GCSAML: variants seen among roughly 807,000 people sequenced by gnomAD.
The protein encoded by GCSAML is germinal center-associated signaling and motility-like protein.
GCSAML carries 9 observed loss-of-function variants against 13.0 expected under a neutral mutation model. That is an observed-to-expected ratio of 0.69 (90% CI 0.42 to 1.21). GCSAML has a LOEUF of 1.21. Among genes scored for constraint, GCSAML ranks in the 50% most tolerant of loss-of-function variants. The probability of loss-of-function intolerance (pLI) is 0.00; values close to 1 mark genes in which losing one functional copy is unlikely to be tolerated. For synonymous variants in GCSAML, 37 were observed against 52.9 expected (o/e 0.70, Z 1.31); for missense variants, 143 against 153.4 (o/e 0.93, Z 0.36).
At chr1:247,528,833 T>A (rs1457460348) in intron 2 of GCSAML, 1 of 152,128 alleles carries the variant, frequency 6.6e-6, no homozygotes, top group South Asian at 2.1e-4. Flanking sequence ...TTGAAGAATT[T>A]CCTGAAAAGT....
intron 1 of GCSAML, among the ~76,000 whole-genome samples, chr1:247,509,273 G>A (rs1665929406): frequency 6.6e-6 from 1 of 152,148 alleles, no homozygotes; most frequent in African/African-American, 2.4e-5. Context: ...TAGCAATTGT[G>A]AATGGGAGTT....
intron 1 of GCSAML, among the ~76,000 whole-genome samples, chr1:247,509,146 T>C (rs1665925974): frequency 6.6e-6 from 1 of 152,220 alleles, no homozygotes; most frequent in Non-Finnish European, 1.5e-5. Context: ...GAGCATGGGA[T>C]GTTTCTCCAT....
chr1:247,551,992 T>G (rs2103038578), intron 1 of GCSAML, among the ~76,000 whole-genome samples: 2 of 152,320 alleles, frequency 1.3e-5, no homozygotes, highest in Non-Finnish European at 2.9e-5. Context: ...GATAATGTCT[T>G]TATGGCTGGT....
At chr1:247,563,935 G>A (rs1668237150) in intron 3 of GCSAML, among the ~76,000 whole-genome samples, 1 of 151,604 alleles carries the variant, frequency 6.6e-6, no homozygotes, top group Non-Finnish European at 1.5e-5. Context: ...GCGATAAGAA[G>A]TGTATTTTTT....
At chr1:247,519,397 G>C (rs1666337116) in intron 1 of GCSAML, 1 of 152,222 alleles carries the variant, frequency 6.6e-6, no homozygotes, top group Non-Finnish European at 1.5e-5. Flanking sequence ...AAACGCACGT[G>C]TGTGTCTGTG....
rs534104837 is a variant in GCSAML, at chr1:247,557,108, C to T, written c.89+642C>T. Reference sequence around the variant, plus strand: ...TTGGACTGATTGATAACGTCTCCTCCTGGAGATGCTGGCCCTCATGCCCTT... The same window carrying T: ...TTGGACTGATTGATAACGTCTCCTCTTGGAGATGCTGGCCCTCATGCCCTT... On this transcript the variant is annotated intron_variant, in intron 2 of 4. Coordinates refer to ENST00000366488, the MANE Select transcript of GCSAML (RefSeq NM_145278.5). Among the ~76,000 whole-genome samples the T allele has an allele frequency of 9.2e-5, 14 of 152,308 alleles. 1 individual carries two copies. The highest frequency in any genetic ancestry group is 3.4e-4 in the African/African-American group (14 of 41,566).
chr1:247,541,412 A>T (rs1558247208), intron 2 of GCSAML, among the ~76,000 whole-genome samples: 1 of 152,154 alleles, frequency 6.6e-6, no homozygotes. Flanking sequence ...GCTATTCATT[A>T]TATGTCGGTA....
At chr1:247,538,585 A>G (rs1667302027) in intron 2 of GCSAML, 2 of 353,528 alleles carry the variant, frequency 5.7e-6, no homozygotes, top group Non-Finnish European at 1.1e-5. Context: ...GCCTAATGTC[A>G]TAAGATTGGA....
intron 2 of GCSAML, among the ~76,000 whole-genome samples, chr1:247,537,479 C>T (rs139379306): frequency 1.4e-3 from 214 of 152,218 alleles, no homozygotes; most frequent in Non-Finnish European, 2.4e-3. Context: ...GTTTGAACTC[C>T]GTTTCTGATT....
At chr1:247,557,172 A>G (rs1222134700) in intron 2 of GCSAML, among the ~76,000 whole-genome samples, 1 of 152,160 alleles carries the variant, frequency 6.6e-6, no homozygotes, top group Non-Finnish European at 1.5e-5. Context: ...TCTGCACCGC[A>G]TGGTTTTATG....
Position 247,550,879 on chromosome 1 carries a change from G to A in GCSAML, c.29+1659G>A, listed in dbSNP as rs887016006. On this transcript the variant is annotated intron_variant, in intron 1 of 4. Transcript: ENST00000366488. ...TCGCAAGAAAAAATTAAACATGGAA[G>A]GAAAATGGATATGGAAGCAAATTTT... Among the ~76,000 whole-genome samples the A allele has an allele frequency of 2.0e-5, 3 of 151,990 alleles. No homozygotes were observed. In the East Asian group the frequency reaches 5.8e-4, roughly 29 times the overall value.
chr1:247,515,866 C>T (rs955934772), intron 1 of GCSAML, among the ~76,000 whole-genome samples: 1 of 152,202 alleles, frequency 6.6e-6, no homozygotes, highest in Admixed American at 6.5e-5. Flanking sequence ...TGTTATCACA[C>T]AGTCTTTTCA....
chr1:247,550,404 G>A (rs141527588), intron 1 of GCSAML, among the ~76,000 whole-genome samples: 3 of 152,134 alleles, frequency 2.0e-5, no homozygotes, highest in South Asian at 2.1e-4. Context: ...TTGGGAGGCC[G>A]AGGCGGGTGG....
chr1:247,537,033 C>A (rs1667243023), intron 2 of GCSAML, among the ~76,000 whole-genome samples: 1 of 152,128 alleles, frequency 6.6e-6, no homozygotes, highest in African/African-American at 2.4e-5. Flanking sequence ...GAATTAAGTT[C>A]TTTCACAAGA....
At position 247,537,810 on chromosome 1, in the gene GCSAML, GTC is replaced by G. The variant is rs950442557; in HGVS notation, c.-148+10758_-148+10759del. Among the ~76,000 whole-genome samples, 19 of 152,152 alleles carry G rather than the reference GTC, an allele frequency of 1.2e-4. No individual in the cohort carries two copies. In the South Asian group the frequency reaches 2.3e-3, roughly 18 times the overall value. On this transcript the variant is annotated intron_variant, in intron 2 of 5. Coordinates refer to the GCSAML transcript ENST00000366489. ...ACTTACTTGTCTTCTTTGGAAAAAT[GTC>G]TATTCAAGTCTTTTGCCTATTTTTT...
rs556292611 is a variant in GCSAML, at chr1:247,512,487, C to A, written c.-263+5254C>A. On this transcript the variant is annotated intron_variant, in intron 1 of 5. Transcript: ENST00000366489. ...TTAGCTCAGAGGAGTTTGTTATTGC[C>A]CACCTTCTGAAGCCTACTTCTGTCA... Among the ~76,000 whole-genome samples, 8 of 152,056 alleles carry A rather than the reference C, an allele frequency of 5.3e-5. No individual in the cohort carries two copies. The South Asian group carries it at 1.7e-3, about 32-fold the overall frequency.
Position 247,564,382 on chromosome 1 carries a change from TA to T in GCSAML, c.139+761del, listed in dbSNP as rs10701220. On this transcript the variant is annotated intron_variant, in intron 3 of 4. Coordinates refer to ENST00000366488, the MANE Select transcript of GCSAML (RefSeq NM_145278.5). ...TGAGCAATGTAGCAAGAGCCTGTCT[TA>T]AAAAAAAAAAAAAAAAAGAATTTGC... is the stretch of plus-strand genomic sequence containing the variant. Among the ~76,000 whole-genome samples, 631 of 130,854 alleles carry T rather than the reference TA, an allele frequency of 4.8e-3. 2 individuals are homozygous for T. The highest frequency in any genetic ancestry group is 0.012 in the African/African-American group (418 of 35,700). The allele number at this position is 130,854 out of a possible 152,430, so 85.8% of individuals were successfully genotyped here. A position where few individuals can be genotyped will look rare whatever the true frequency, so the allele number is the denominator to read the frequency against.
At chr1:247,539,404 A>G (rs1229298005) in intron 2 of GCSAML, among the ~76,000 whole-genome samples, 1 of 152,210 alleles carries the variant, frequency 6.6e-6, no homozygotes, top group African/African-American at 2.4e-5. Context: ...GGTTTCAGCT[A>G]GCTTGAACTG....
At chr1:247,561,744 T>C (rs57324139) in intron 2 of GCSAML, among the ~76,000 whole-genome samples, 4,812 of 152,316 alleles carry the variant, frequency 0.032, 129 homozygotes, top group East Asian at 0.087. Context: ...ATTTCATCTT[T>C]GTAACTTTGT....
Sources: gnomAD v4.1 joint callset for allele counts (sites outside exome capture counted in the v4.1 genomes callset) on GRCh38, gnomAD v4.1.1 for gene constraint, MANE v1.5 for transcripts, NCBI Gene and HGNC (gene_info 2026-07-23, HGNC 2026-07-21) for gene names.